The following RMST variants were observed in gnomAD, a reference collection of about 807,000 sequenced individuals.
RMST encodes the protein long intergenic non-protein coding RNA 54.
intron 11 of RMST, among the ~76,000 whole-genome samples, chr12:97,547,263 A>T (rs2136639031): frequency 6.6e-6 from 1 of 151,616 alleles, no homozygotes; most frequent in South Asian, 2.1e-4. Flanking sequence ...TGCGTATCAC[A>T]TTTTCTTTAT....
chr12:97,467,226 C>G (rs1324596031), intron 5 of RMST, among the ~76,000 whole-genome samples: 1 of 151,980 alleles, frequency 6.6e-6, no homozygotes, highest in African/African-American at 2.4e-5. Flanking sequence ...GATAAGATTA[C>G]CGCTAATGTT....
intron 10 of RMST, among the ~76,000 whole-genome samples, chr12:97,511,797 ATGAC>A (rs1249870495): frequency 6.6e-6 from 1 of 152,216 alleles, no homozygotes; most frequent in African/African-American, 2.4e-5. Context: ...AAATGGCAAA[ATGAC>A]TGAGTCCATT....
chr12:97,553,949 CTTTTT>C (rs756008010), intron 11 of RMST, among the ~76,000 whole-genome samples: 1 of 120,284 alleles, frequency 8.3e-6, no homozygotes, highest in Non-Finnish European at 1.7e-5. Flanking sequence ...TTTTCTTTCT[CTTTTT>C]TTTTTTTTTT....
At chr12:97,537,200 T>C (rs1882140952) in intron 11 of RMST, among the ~76,000 whole-genome samples, 1 of 151,474 alleles carries the variant, frequency 6.6e-6, no homozygotes, top group South Asian at 2.1e-4. Flanking sequence ...CTAGACAAGA[T>C]GGAAGATCAA....
chr12:97,504,107 C>T (rs765440656), intron 10 of RMST, among the ~76,000 whole-genome samples: 4 of 152,122 alleles, frequency 2.6e-5, no homozygotes, highest in Admixed American at 6.5e-5. Context: ...GTTAGCCAGG[C>T]GGTCTCGGAC....
chr12:97,511,514 T>C (rs1457425727), intron 10 of RMST, among the ~76,000 whole-genome samples: 5 of 152,186 alleles, frequency 3.3e-5, no homozygotes, highest in Admixed American at 3.3e-4. Flanking sequence ...TCCTTTCATA[T>C]TCTCTTTCAA....
At chr12:97,553,819 T>G (rs74384744) in intron 11 of RMST, among the ~76,000 whole-genome samples, 2,441 of 152,086 alleles carry the variant, frequency 0.016, 57 homozygotes, top group African/African-American at 0.056. Context: ...ATTCCCAGCA[T>G]GAGTAATATT....
chr12:97,519,528 A>G (rs981861174), intron 10 of RMST, among the ~76,000 whole-genome samples: 1 of 152,230 alleles, frequency 6.6e-6, no homozygotes, highest in Non-Finnish European at 1.5e-5. Context: ...TTAGAGTTTT[A>G]AAATTTTATT....
chr12:97,526,586 A>G (rs1300630678), intron 10 of RMST, among the ~76,000 whole-genome samples: 1 of 152,236 alleles, frequency 6.6e-6, no homozygotes, highest in East Asian at 1.9e-4. Context: ...GCAATGGGGA[A>G]AAAATAACCA....
At chr12:97,490,434 C>A (rs1460362350) in intron 5 of RMST, among the ~76,000 whole-genome samples, 1 of 152,118 alleles carries the variant, frequency 6.6e-6, no homozygotes, top group Non-Finnish European at 1.5e-5. Flanking sequence ...TCTCTGTAAT[C>A]CTGTTTCGTC....
At chr12:97,541,505 TTTA>T (rs1230881771) in intron 11 of RMST, 1 of 151,706 alleles carries the variant, frequency 6.6e-6, no homozygotes, top group Non-Finnish European at 1.5e-5. Context: ...TCGGTAAACA[TTTA>T]TTAAGATACC....
chr12:97,463,865 GA>G (rs1872865307), intron 4 of RMST, among the ~76,000 whole-genome samples: 2 of 152,054 alleles, frequency 1.3e-5, no homozygotes, highest in African/African-American at 4.8e-5. Flanking sequence ...TATGTTTTTG[GA>G]AATTAGTTGG....
intron 5 of RMST, among the ~76,000 whole-genome samples, chr12:97,473,655 A>G (rs1454405201): frequency 6.6e-6 from 1 of 152,144 alleles, no homozygotes; most frequent in Non-Finnish European, 1.5e-5. Context: ...ATATTATACC[A>G]TTTACCCACA....
At chr12:97,501,596 T>C (rs900480767) in intron 10 of RMST, among the ~76,000 whole-genome samples, 1 of 152,294 alleles carries the variant, frequency 6.6e-6, no homozygotes, top group Admixed American at 6.5e-5. Context: ...CAAACATTTC[T>C]GGTTAGTTCC....
chr12:97,497,442 T>C (rs1565923728), intron 10 of RMST, among the ~76,000 whole-genome samples: 1 of 152,192 alleles, frequency 6.6e-6, no homozygotes, highest in African/African-American at 2.4e-5. Flanking sequence ...AAGTTCAAAA[T>C]ATTTCAAAGT....
At chr12:97,557,984 A>C (rs1223714695) in intron 11 of RMST, among the ~76,000 whole-genome samples, 1 of 152,056 alleles carries the variant, frequency 6.6e-6, no homozygotes, top group Non-Finnish European at 1.5e-5. Context: ...TGTATAAAAA[A>C]ATGATTTTTA....
At chr12:97,526,923 C>T (rs1592743613) in intron 10 of RMST, among the ~76,000 whole-genome samples, 1 of 151,992 alleles carries the variant, frequency 6.6e-6, no homozygotes, top group East Asian at 1.9e-4. Flanking sequence ...CATAATAGCA[C>T]CATGAGATGT....
Position 97,489,307 on chromosome 12 carries a change from C to G in RMST, n.645-3154C>G, listed in dbSNP as rs140252424. Among the ~76,000 whole-genome samples the G allele has an allele frequency of 5.0e-3, 764 of 152,018 alleles. 7 individuals carry two copies. Among genetic ancestry groups the G allele is most frequent in the African/African-American group, 0.017 (724 of 41,466 alleles). ...CTAAAAATACAAAAAATTAGTCAGGCATGGTGTCGTGCACCTGTAGTCCCA... is the reference window on the plus strand; with the variant it reads ...CTAAAAATACAAAAAATTAGTCAGGGATGGTGTCGTGCACCTGTAGTCCCA... On this transcript the variant is annotated intron_variant and non_coding_transcript_variant, in intron 5 of 13. Transcript: ENST00000640149.
At chr12:97,503,647 C>T (rs1180508597) in intron 10 of RMST, among the ~76,000 whole-genome samples, 1 of 152,178 alleles carries the variant, frequency 6.6e-6, no homozygotes, top group Non-Finnish European at 1.5e-5. Flanking sequence ...GCAAATTAGA[C>T]ATTGGTGAAT....
Sources: allele counts gnomAD v4.1 joint callset (sites outside exome capture counted in the v4.1 genomes callset), GRCh38; gene constraint gnomAD v4.1.1; transcripts MANE v1.5; gene names NCBI Gene and HGNC (gene_info 2026-07-23, HGNC 2026-07-21).